The following LRRC7 variants were observed in gnomAD, a reference collection of about 807,000 sequenced individuals.
The protein encoded by LRRC7 is leucine-rich repeat-containing protein 7.
LRRC7 carries 23 observed loss-of-function variants against 175.7 expected under a neutral mutation model. That is an observed-to-expected ratio of 0.13 (90% CI 0.09 to 0.19). LRRC7 has a LOEUF of 0.19. LRRC7 is among the 10% of genes least tolerant of loss of function. LRRC7 has a pLI of 1.00. For missense variants in LRRC7, 1,354 were observed against 1,904.7 expected (o/e 0.71, Z 5.38); for synonymous variants, 685 against 680.9 (o/e 1.01, Z -0.09).
intron 21 of LRRC7, among the ~76,000 whole-genome samples, chr1:70,043,400 C>T (rs944997988): frequency 6.6e-6 from 1 of 152,148 alleles, no homozygotes; most frequent in Non-Finnish European, 1.5e-5. Flanking sequence ...ATGGTAAGCT[C>T]AAATGGCATT....
intron 3 of LRRC7, among the ~76,000 whole-genome samples, chr1:69,780,409 G>T (rs1673350489): frequency 6.6e-6 from 1 of 152,088 alleles, no homozygotes; most frequent in Non-Finnish European, 1.5e-5. Context: ...TTGAATCCTG[G>T]CACTGTGCCT....
chr1:69,624,993 A>G (rs1651246739), intron 1 of LRRC7, among the ~76,000 whole-genome samples: 1 of 152,098 alleles, frequency 6.6e-6, no homozygotes, highest in African/African-American at 2.4e-5. Flanking sequence ...CCATTTTCAT[A>G]TACATTTTAG....
intron 2 of LRRC7, among the ~76,000 whole-genome samples, chr1:69,717,771 AAAG>A (rs1557640397): frequency 5.2e-4 from 5 of 9,634 alleles, no homozygotes; most frequent in African/African-American, 2.1e-3. Flanking sequence ...AAAAAGAAAA[AAAG>A]AAAGAAAGAA....
intron 23 of LRRC7, among the ~76,000 whole-genome samples, chr1:70,072,064 T>C (rs989748637): frequency 1.3e-5 from 2 of 152,188 alleles, no homozygotes; most frequent in African/African-American, 4.8e-5. Context: ...CTTATAGATA[T>C]TAGAGTTTTC....
intron 8 of LRRC7, among the ~76,000 whole-genome samples, chr1:69,932,272 AT>A (rs1365955965): frequency 1.3e-5 from 2 of 152,220 alleles, no homozygotes; most frequent in Non-Finnish European, 2.9e-5. Context: ...GTGTATTTTA[AT>A]TATTTTAAAA....
At chr1:69,750,446 C>A (rs1669741490) in intron 2 of LRRC7, among the ~76,000 whole-genome samples, 1 of 152,070 alleles carries the variant, frequency 6.6e-6, no homozygotes, top group South Asian at 2.1e-4. Flanking sequence ...TATGTACAAC[C>A]ATATGTATAA....
rs1013646687 is a variant in LRRC7 at position 70,128,912 on chromosome 1, T to C, written c.*7025T>C. 4 of 152,182 alleles carry C rather than the reference T, an allele frequency of 2.6e-5. No individual in the cohort carries two copies. The highest frequency in any genetic ancestry group is 9.6e-5 in the African/African-American group (4 of 41,520). 9.4% of individuals were successfully genotyped at this position (152,182 alleles called of 1,614,324 possible). A position where few individuals can be genotyped will look rare whatever the true frequency, so the allele number is the denominator to read the frequency against. ...TTTTCCATTTGGAGCTACAGATAGG[T>C]CTTCTGCTGGTTCTTGTGACCTTCA... is the stretch of plus-strand genomic sequence containing the variant. On this transcript the variant is annotated 3_prime_UTR_variant, in exon 27 of 27. Coordinates refer to ENST00000651989, the MANE Select transcript of LRRC7 (RefSeq NM_001370785.2).
chr1:70,032,467 AC>A (rs1204527480), intron 18 of LRRC7, among the ~76,000 whole-genome samples: 1 of 152,144 alleles, frequency 6.6e-6, no homozygotes, highest in African/African-American at 2.4e-5. Context: ...AGTTATTGAC[AC>A]AGAGGAAGCC....
chr1:69,878,665 C>T (rs549908802), intron 7 of LRRC7, among the ~76,000 whole-genome samples: 57 of 151,918 alleles, frequency 3.8e-4, no homozygotes, highest in African/African-American at 1.1e-3. Flanking sequence ...GAAGATAAAG[C>T]GAATTTTGGA....
chr1:69,726,706 C>A lies in LRRC7; in HGVS notation c.101-33485C>A, dbSNP rs532176261. On this transcript the variant is annotated intron_variant, in intron 2 of 26. Transcript: ENST00000651989. ...AGCAAGGTAAGAAGAGAATAGAGAG[C>A]AAAACTTGCCTTTAAATTTCTTTAA... Among the ~76,000 whole-genome samples, 3 of 151,018 alleles carry A rather than the reference C, an allele frequency of 2.0e-5. No individual in the cohort carries two copies. The South Asian group carries it at 6.3e-4, about 32-fold the overall frequency.
At chr1:69,701,167 T>C (rs931644799) in intron 2 of LRRC7, among the ~76,000 whole-genome samples, 7 of 152,142 alleles carry the variant, frequency 4.6e-5, no homozygotes, top group Non-Finnish European at 1.0e-4. Flanking sequence ...CCTCTCTAAA[T>C]TGTCAAATCA....
intron 3 of LRRC7, among the ~76,000 whole-genome samples, chr1:69,786,292 C>G (rs567631295): frequency 2.5e-4 from 38 of 152,072 alleles, no homozygotes; most frequent in Admixed American, 2.0e-4. Flanking sequence ...AGAGCTCAGT[C>G]TTGTGGTTGG....
chr1:69,650,223 A>G (rs1655596306), intron 1 of LRRC7, among the ~76,000 whole-genome samples: 1 of 152,086 alleles, frequency 6.6e-6, no homozygotes, highest in Non-Finnish European at 1.5e-5. Flanking sequence ...TCTTTGGAAT[A>G]TTATTGAAAA....
intron 1 of LRRC7, among the ~76,000 whole-genome samples, chr1:69,591,417 C>G (rs940408333): frequency 6.6e-6 from 1 of 151,950 alleles, no homozygotes; most frequent in Admixed American, 6.6e-5. Flanking sequence ...CAGTGGTTTC[C>G]TCATAGATGT....
intron 1 of LRRC7, among the ~76,000 whole-genome samples, chr1:69,664,253 T>A (rs1657942500): frequency 6.6e-6 from 1 of 152,224 alleles, no homozygotes; most frequent in Non-Finnish European, 1.5e-5. Context: ...TGAATAGGTC[T>A]TCAATAAACA....
At chr1:69,719,599 A>T (rs944757118) in intron 2 of LRRC7, among the ~76,000 whole-genome samples, 1 of 151,644 alleles carries the variant, frequency 6.6e-6, no homozygotes, top group Admixed American at 6.6e-5. Flanking sequence ...AGAGCATAAC[A>T]ACCACTAAAT....
intron 2 of LRRC7, among the ~76,000 whole-genome samples, chr1:69,754,043 G>A (rs1217906618): frequency 6.6e-6 from 1 of 152,028 alleles, no homozygotes; most frequent in Non-Finnish European, 1.5e-5. Context: ...AGCACAGAAA[G>A]CAATGAGAAG....
chr1:69,685,250 T>C (rs1221510905), intron 2 of LRRC7, among the ~76,000 whole-genome samples: 1 of 152,166 alleles, frequency 6.6e-6, no homozygotes, highest in Admixed American at 6.5e-5. Context: ...ACAGGATACA[T>C]ACCTGCTAAA....
Position 69,589,152 on chromosome 1 carries a change from G to A in LRRC7, c.2+20511G>A, listed in dbSNP as rs1264655949. Among the ~76,000 whole-genome samples, 6 of 132,632 alleles carry A rather than the reference G, an allele frequency of 4.5e-5. 1 individual carries two copies. The East Asian group carries it at 9.2e-4, about 20-fold the overall frequency. 87.0% of individuals were successfully genotyped at this position (132,632 alleles called of 152,430 possible). On this transcript the variant is annotated intron_variant, in intron 1 of 26. Transcript: ENST00000651989. ...TGTGTGTGTGTGTGTGTGTGTGTGT[G>A]TATGTCTGTGTGTGTGTGAGAGAGA...
Sources: allele counts gnomAD v4.1 joint callset (sites outside exome capture counted in the v4.1 genomes callset), GRCh38; gene constraint gnomAD v4.1.1; transcripts MANE v1.5; gene names NCBI Gene and HGNC (gene_info 2026-07-23, HGNC 2026-07-21).